Variants in KCTD6 observed in about 807,000 individuals in gnomAD.
KCTD6 encodes BTB/POZ domain-containing protein KCTD6.
A neutral mutation model predicts 18.7 loss-of-function variants in KCTD6; 6 were observed. That is an observed-to-expected ratio of 0.32 (90% CI 0.18 to 0.63). KCTD6 has a LOEUF of 0.63. KCTD6 is among the 30% of genes least tolerant of loss of function. The pLI, the probability that KCTD6 is intolerant of heterozygous loss-of-function variation, is 0.79. For missense variants in KCTD6, 165 were observed against 300.2 expected (o/e 0.55, Z 3.33); for synonymous variants, 86 against 108.5 (o/e 0.79, Z 1.29).
rs1576977122 is a variant in KCTD6, at chr3:58,492,514, G to A, written c.-44+345G>A. Among the ~76,000 whole-genome samples, 4 of 151,898 alleles carry A rather than the reference G, an allele frequency of 2.6e-5. No homozygotes were observed. Among genetic ancestry groups the A allele is most frequent in the Admixed American group, 2.6e-4 (4 of 15,264 alleles). ...GGCCGGGTCGGGTTGCGGGGGCTTCGCTGGCGGGGCAGCAGCGAAGGGCGG... is the reference window on the plus strand; with the variant it reads ...GGCCGGGTCGGGTTGCGGGGGCTTCACTGGCGGGGCAGCAGCGAAGGGCGG... On this transcript the variant is annotated intron_variant, in intron 1 of 2. Coordinates refer to ENST00000404589, the MANE Select transcript of KCTD6 (RefSeq NM_001128214.2). The surrounding 1 kb of genome is among the most constrained non-coding windows in gnomAD (Gnocchi z 6.1).
rs749611129 is a variant in KCTD6 at position 58,492,540 on chromosome 3, C to T, written c.-44+371C>T. Among the ~76,000 whole-genome samples, 27 of 152,124 alleles carry T rather than the reference C, an allele frequency of 1.8e-4. No homozygotes were observed. The highest frequency in any genetic ancestry group is 6.8e-3 in the Middle Eastern group (2 of 292). ...CTGGCGGGGCAGCAGCGAAGGGCGG[C>T]CCGGACGGAGATATTTGGGGTGTGC... On this transcript the variant is annotated intron_variant, in intron 1 of 2. Coordinates refer to ENST00000404589, the MANE Select transcript of KCTD6 (RefSeq NM_001128214.2). This position sits in a 1 kb window ranked among gnomAD's most constrained non-coding sequence, Gnocchi z 6.1.
rs1197474996 is a variant in KCTD6 at position 58,501,350 on chromosome 3, C to T, written c.432C>T (p.Thr144=). 6.2e-7 allele frequency: 1 copy of T among 1,606,250 alleles called. No individual in the cohort carries two copies. The highest frequency in any genetic ancestry group is 1.1e-5 in the South Asian group (1 of 89,632). The change falls in exon 3 of 3, where the codon ACC becomes ACT. Residue 144 remains threonine, a synonymous_variant. Transcript: ENST00000404589. The surrounding 1 kb of genome is among the most constrained non-coding windows in gnomAD (Gnocchi z 9.7). ...NPVAVIITQL[T]ITTKVHSLLE... ...TGGCTGTCATCATAACGCAACTAAC[C>T]ATCACCACTAAGGTCCATTCCTTAC... is the stretch of plus-strand genomic sequence containing the variant.
rs2063207729 is a variant in KCTD6, at chr3:58,502,154, C to G, written c.*522C>G. ...GTACTGCTTTTTACAGTTATGACAACTGTTTCTTTCTATGCATATAAATCA... is the reference window on the plus strand; with the variant it reads ...GTACTGCTTTTTACAGTTATGACAAGTGTTTCTTTCTATGCATATAAATCA... On this transcript the variant is annotated 3_prime_UTR_variant, in exon 3 of 3. Transcript: ENST00000404589. 1 of 152,544 alleles carries G rather than the reference C, an allele frequency of 6.6e-6. No homozygotes were observed. The highest frequency in any genetic ancestry group is 1.9e-4 in the East Asian group (1 of 5,204). The allele number at this position is 152,544 out of a possible 1,614,324, so 9.4% of individuals were successfully genotyped here.
chr3:58,494,471 A>C (rs2107973303), intron 1 of KCTD6: 1 of 152,350 alleles, frequency 6.6e-6, no homozygotes, highest in South Asian at 2.1e-4. Flanking sequence ...AGGTTTCAGT[A>C]AAAAAGCATT....
chr3:58,500,542 T>A (rs542197181), intron 2 of KCTD6: 1 of 156,846 alleles, frequency 6.4e-6, no homozygotes, highest in East Asian at 1.9e-4. Context: ...TTCTATCTAA[T>A]GTTAAATTAA....
rs1560205164 is a variant in KCTD6 at position 58,500,984 on chromosome 3, G to A, written c.66G>A (p.Leu22=). The A allele has an allele frequency of 6.2e-7, 1 of 1,606,356 alleles. No individual in the cohort carries two copies. The highest frequency in any genetic ancestry group is 8.5e-7 in the Non-Finnish European group (1 of 1,176,494). ...TCACATTAAATGTAGGTGGACACTT[G>A]TATACAACGTCTCTCACCACATTGA... ...DPVTLNVGGH[L]YTTSLTTLTR... The change falls in exon 3 of 3, where the codon TTG becomes TTA. Residue 22 remains leucine (L), a synonymous_variant. Coordinates refer to ENST00000404589, the MANE Select transcript of KCTD6 (RefSeq NM_001128214.2).
intron 1 of KCTD6, among the ~76,000 whole-genome samples, chr3:58,495,220 T>C (rs751379212): frequency 8.5e-5 from 13 of 152,238 alleles, no homozygotes; most frequent in Non-Finnish European, 1.3e-4. Context: ...TTGATACCCA[T>C]TTCAAGATCT....
At position 58,496,509 on chromosome 3, in the gene KCTD6, C is replaced by T. The variant is rs2063175915; in HGVS notation, c.-43-2204C>T. 6.6e-6 allele frequency among the ~76,000 whole-genome samples: 1 copy of T among 152,220 alleles called. No individual in the cohort carries two copies. The highest frequency in any genetic ancestry group is 1.5e-5 in the Non-Finnish European group (1 of 68,040). ...TGTTGTAGGGGGAAAAAAAGTCTTT[C>T]ATGCCCCTGTCTATTAAATTGTTTC... On this transcript the variant is annotated intron_variant, in intron 1 of 2. Coordinates refer to ENST00000404589, the MANE Select transcript of KCTD6 (RefSeq NM_001128214.2). This position sits in a 1 kb window ranked among gnomAD's most constrained non-coding sequence, Gnocchi z 5.1.
chr3:58,501,616 G>C lies in KCTD6; in HGVS notation c.698G>C (p.Arg233Pro). The change falls in exon 3 of 3, where the codon CGG (arginine) becomes CCG (proline). Residue 233 changes from arginine (R) to proline (P), a missense_variant. Arg to Pro is a moderately radical substitution (Grantham distance 103). Transcript: ENST00000404589. The surrounding 1 kb of genome is among the most constrained non-coding windows in gnomAD (Gnocchi z 9.7). Reference sequence around the variant, plus strand: ...AACTGGACTTTCTGTAGGCTAGCCCGGAAGACAGACGACTGATCTCCGACC... The same window carrying C: ...AACTGGACTTTCTGTAGGCTAGCCCCGAAGACAGACGACTGATCTCCGACC... ...EHNWTFCRLA[R>P]KTDD 1 of 1,341,204 alleles carries C rather than the reference G, an allele frequency of 7.5e-7. No individual in the cohort carries two copies. Among genetic ancestry groups the C allele is most frequent in the East Asian group, 2.7e-5 (1 of 36,382 alleles). 83.1% of individuals were successfully genotyped at this position (1,341,204 alleles called of 1,614,324 possible).
In KCTD6 at chr3:58,502,327, A is replaced by C. The variant is rs993916628; in HGVS notation, c.*695A>C. ...GTGTACTGTCTACCAGAAAAAAAAA[A>C]CAAAACTAATAAAAAATGAAATATG... is the stretch of plus-strand genomic sequence containing the variant. On this transcript the variant is annotated 3_prime_UTR_variant, in exon 3 of 3. Transcript: ENST00000404589. 1 of 152,380 alleles carries C rather than the reference A, an allele frequency of 6.6e-6. No homozygotes were observed. Among genetic ancestry groups the C allele is most frequent in the Non-Finnish European group, 1.5e-5 (1 of 67,970 alleles). 9.4% of individuals were successfully genotyped at this position (152,380 alleles called of 1,614,324 possible).
rs559289627 is a variant in KCTD6, at chr3:58,498,474, C to T, written c.-43-239C>T. On this transcript the variant is annotated intron_variant, in intron 1 of 2. Coordinates refer to ENST00000404589, the MANE Select transcript of KCTD6 (RefSeq NM_001128214.2). The surrounding 1 kb of genome is among the most constrained non-coding windows in gnomAD (Gnocchi z 4.6). The stretch of plus-strand genomic sequence containing the variant: ...TCTCTTAAGTACAGTATAGTTCTTT[C>T]TCTGAAAATCTTCAGTCTCTTAGTT... The T allele has an allele frequency of 1.4e-5, 6 of 428,884 alleles. No homozygotes were observed. The highest frequency in any genetic ancestry group is 2.0e-5 in the Non-Finnish European group (5 of 245,810). The allele number at this position is 428,884 out of a possible 1,614,324, so 26.6% of individuals were successfully genotyped here. A position where few individuals can be genotyped will look rare whatever the true frequency, so the allele number is the denominator to read the frequency against.
At position 58,498,512 on chromosome 3, in the gene KCTD6, T is replaced by C. The variant is rs528328852; in HGVS notation, c.-43-201T>C. 1 of 497,040 alleles carries C rather than the reference T, an allele frequency of 2.0e-6. No homozygotes were observed. Among genetic ancestry groups the C allele is most frequent in the East Asian group, 3.7e-5 (1 of 27,308 alleles). The allele number at this position is 497,040 out of a possible 1,614,324, so 30.8% of individuals were successfully genotyped here. A position where few individuals can be genotyped will look rare whatever the true frequency, so the allele number is the denominator to read the frequency against. The stretch of plus-strand genomic sequence containing the variant: ...CAGTCTCTTAGTTCCAGATGGGTTC[T>C]CTATGGTAAGAATACAGGACATGTA... On this transcript the variant is annotated intron_variant, in intron 1 of 2. Coordinates refer to ENST00000404589, the MANE Select transcript of KCTD6 (RefSeq NM_001128214.2). The surrounding 1 kb of genome is among the most constrained non-coding windows in gnomAD (Gnocchi z 4.6).
At chr3:58,500,924 A>G in intron 2 of KCTD6, 22 bp from the exon 3 acceptor site, 1 of 1,465,452 alleles carries the variant, frequency 6.8e-7, no homozygotes, top group Non-Finnish European at 9.2e-7. Flanking sequence ...CAGATGACTG[A>G]TCATTTCTTT....
chr3:58,499,016 C>T (rs1297017762), intron 2 of KCTD6, among the ~76,000 whole-genome samples: 3 of 152,114 alleles, frequency 2.0e-5, no homozygotes, highest in African/African-American at 7.2e-5. Flanking sequence ...CTTGCCCAGG[C>T]TGGAGTGCAG....
Position 58,496,848 on chromosome 3 carries a change from GA to G in KCTD6, c.-43-1864del, listed in dbSNP as rs2063177303. Among the ~76,000 whole-genome samples the G allele has an allele frequency of 6.6e-6, 1 of 152,218 alleles. No homozygotes were observed. The highest frequency in any genetic ancestry group is 6.5e-5 in the Admixed American group (1 of 15,286). On this transcript the variant is annotated intron_variant, in intron 1 of 2. Transcript: ENST00000404589. The surrounding 1 kb of genome is among the most constrained non-coding windows in gnomAD (Gnocchi z 5.1). ...CACAATAATTGTTGGCTGAATGAAT[GA>G]TTATTGAGGCTGTCAGAATGAATAC...
Position 58,501,762 on chromosome 3 carries a change from AC to A in KCTD6, c.*132del. On this transcript the variant is annotated 3_prime_UTR_variant, in exon 3 of 3. Transcript: ENST00000404589. This position sits in a 1 kb window ranked among gnomAD's most constrained non-coding sequence, Gnocchi z 9.7. ...TTGTATTTATTTGAAGGCAGTGAGG[AC>A]CAGAAGGAAGTTTTGTGCTTTGGCA... The A allele has an allele frequency of 1.7e-6, 1 of 596,508 alleles. No individual in the cohort carries two copies. The highest frequency in any genetic ancestry group is 2.5e-6 in the Non-Finnish European group (1 of 395,868). 37.0% of individuals were successfully genotyped at this position (596,508 alleles called of 1,614,324 possible). A position where few individuals can be genotyped will look rare whatever the true frequency, so the allele number is the denominator to read the frequency against.
rs2063177613 is a variant in KCTD6 at position 58,496,939 on chromosome 3, A to G, written c.-43-1774A>G. On this transcript the variant is annotated intron_variant, in intron 1 of 2. Transcript: ENST00000404589. This position sits in a 1 kb window ranked among gnomAD's most constrained non-coding sequence, Gnocchi z 5.1. ...AGAACTTTTGGATGAGTGGCCTTTT[A>G]AATTGCTCAGTTACTAATCTGTTGT... is the stretch of plus-strand genomic sequence containing the variant. Among the ~76,000 whole-genome samples the G allele has an allele frequency of 1.3e-5, 2 of 152,230 alleles. No homozygotes were observed. The highest frequency in any genetic ancestry group is 2.9e-5 in the Non-Finnish European group (2 of 68,034).
rs2063161155 is a variant in KCTD6, at chr3:58,492,889, G to A, written c.-44+720G>A. Among the ~76,000 whole-genome samples, 1 of 152,206 alleles carries A rather than the reference G, an allele frequency of 6.6e-6. No individual in the cohort carries two copies. ...TTGGATATTCTGCCGAAGTTACCAT[G>A]TTTCTGTTCAAGTATACCAGTTCTA... On this transcript the variant is annotated intron_variant, in intron 1 of 2. Transcript: ENST00000404589. The surrounding 1 kb of genome is among the most constrained non-coding windows in gnomAD (Gnocchi z 6.1).
chr3:58,494,658 A>G (rs141345489), intron 1 of KCTD6, among the ~76,000 whole-genome samples: 1 of 152,350 alleles, frequency 6.6e-6, no homozygotes, highest in East Asian at 1.9e-4. Context: ...TTAGTTCATC[A>G]TAACCATTAG....
Sources: gnomAD v4.1 joint callset for allele counts (sites outside exome capture counted in the v4.1 genomes callset) on GRCh38, gnomAD v4.1.1 for gene constraint, Gnocchi (gnomAD v3.1) non-coding constraint, MANE v1.5 for transcripts, NCBI Gene and HGNC (gene_info 2026-07-23, HGNC 2026-07-21) for gene names.